MAGI2: variants seen among roughly 807,000 people sequenced by gnomAD.
MAGI2 encodes membrane-associated guanylate kinase, WW and PDZ domain-containing protein 2.
Under a neutral mutation model 133.3 loss-of-function variants are expected in MAGI2, and 35 were observed. The observed-to-expected ratio is 0.26, with a 90% CI of 0.20 to 0.35. The LOEUF (loss-of-function observed/expected upper bound fraction) is 0.35, where lower values mean the gene tolerates loss of function less well. Among genes scored for constraint, MAGI2 ranks in the 10% least tolerant of loss-of-function variants. The pLI is 1.00. For missense variants in MAGI2, 1,636 were observed against 1,863.4 expected (o/e 0.88, Z 2.25); for synonymous variants, 729 against 710.6 (o/e 1.03, Z -0.41).
intron 2 of MAGI2, among the ~76,000 whole-genome samples, chr7:78,760,385 G>C (rs1167757031): frequency 2.2e-4 from 24 of 111,420 alleles, no homozygotes; most frequent in Admixed American, 1.9e-3. Context: ...TTTTTGAGAT[G>C]AAGTTTTGCT....
chr7:78,310,721 G>T (rs1196504364), intron 9 of MAGI2, among the ~76,000 whole-genome samples: 1 of 152,104 alleles, frequency 6.6e-6, no homozygotes, highest in South Asian at 2.1e-4. Context: ...AAATGGAGAT[G>T]ATAAAAGAGA....
intron 3 of MAGI2, among the ~76,000 whole-genome samples, chr7:78,552,126 CAT>C (rs887500863): frequency 2.7e-5 from 4 of 147,734 alleles, no homozygotes; most frequent in Admixed American, 1.3e-4. Context: ...GAAAAACAAA[CAT>C]AAGGTATTTT....
intron 9 of MAGI2, among the ~76,000 whole-genome samples, chr7:78,279,197 T>C (rs1345127506): frequency 2.0e-5 from 3 of 152,184 alleles, no homozygotes; most frequent in Admixed American, 2.0e-4. Flanking sequence ...AGTTCTGGGA[T>C]TGTATTTCCT....
intron 2 of MAGI2, among the ~76,000 whole-genome samples, chr7:78,660,053 A>G (rs1426778976): frequency 1.4e-5 from 2 of 147,518 alleles, no homozygotes; most frequent in African/African-American, 4.9e-5. Flanking sequence ...GTTCTTACTC[A>G]TAGGTGGGAA....
intron 6 of MAGI2, among the ~76,000 whole-genome samples, chr7:78,460,503 TAC>T (rs1175310451): frequency 6.6e-6 from 1 of 151,974 alleles, no homozygotes; most frequent in Non-Finnish European, 1.5e-5. Flanking sequence ...ATAGATGATA[TAC>T]ACACACGGTA....
At chr7:78,213,095 C>G (rs550826210) in intron 10 of MAGI2, among the ~76,000 whole-genome samples, 3 of 152,334 alleles carry the variant, frequency 2.0e-5, no homozygotes, top group Admixed American at 6.5e-5. Flanking sequence ...AAAATCCTTT[C>G]TAGTGCTTTA....
intron 6 of MAGI2, among the ~76,000 whole-genome samples, chr7:78,470,391 A>T (rs919919849): frequency 6.6e-6 from 1 of 152,138 alleles, no homozygotes; most frequent in Non-Finnish European, 1.5e-5. Flanking sequence ...AGTGATAATG[A>T]CAAATTGGTT....
chr7:78,021,833 T>A (rs775332582), intron 21 of MAGI2, among the ~76,000 whole-genome samples: 12 of 152,198 alleles, frequency 7.9e-5, no homozygotes, highest in Non-Finnish European at 1.6e-4. Flanking sequence ...TCTTCCTTTA[T>A]AAGATGGGGA....
intron 2 of MAGI2, among the ~76,000 whole-genome samples, chr7:78,788,890 C>A (rs1228149195): frequency 1.3e-5 from 2 of 152,102 alleles, no homozygotes; most frequent in Non-Finnish European, 2.9e-5. Flanking sequence ...TCCTTCCTCC[C>A]TGGAGACCAT....
chr7:78,662,640 T>C (rs73378298), intron 2 of MAGI2, among the ~76,000 whole-genome samples: 2,386 of 152,244 alleles, frequency 0.016, 66 homozygotes, highest in African/African-American at 0.054. Context: ...TACACCATCA[T>C]TGCACTTCTG....
At chr7:78,112,978 G>A (rs1819503757) in intron 20 of MAGI2, among the ~76,000 whole-genome samples, 1 of 152,200 alleles carries the variant, frequency 6.6e-6, no homozygotes, top group Admixed American at 6.5e-5. Context: ...AGGATGAGGA[G>A]GACTTACCCA....
At chr7:78,974,841 C>T (rs190334277) in intron 2 of MAGI2, among the ~76,000 whole-genome samples, 19 of 151,780 alleles carry the variant, frequency 1.3e-4, no homozygotes, top group South Asian at 6.2e-4. Context: ...AACCAAAACA[C>T]CTATAATCTA....
intron 2 of MAGI2, among the ~76,000 whole-genome samples, chr7:78,977,191 AC>A (rs1368467095): frequency 6.6e-6 from 1 of 151,766 alleles, no homozygotes; most frequent in Non-Finnish European, 1.5e-5. Flanking sequence ...CTCAAGACTT[AC>A]TACAAAGCTG....
chr7:78,940,913 T>C (rs887699682), intron 2 of MAGI2: 1 of 152,162 alleles, frequency 6.6e-6, no homozygotes. Flanking sequence ...AGCTATTCCC[T>C]TTGGTTTTGA....
At chr7:78,705,799 A>G (rs1002751349) in intron 2 of MAGI2, among the ~76,000 whole-genome samples, 1 of 152,156 alleles carries the variant, frequency 6.6e-6, no homozygotes, top group Non-Finnish European at 1.5e-5. Flanking sequence ...ATTTCCAGGC[A>G]ACAAAGAGTG....
intron 2 of MAGI2, among the ~76,000 whole-genome samples, chr7:78,718,457 A>T (rs1375348373): frequency 6.6e-6 from 1 of 152,060 alleles, no homozygotes; most frequent in African/African-American, 2.4e-5. Flanking sequence ...CATTCCTTGG[A>T]TTACCGCCTG....
At chr7:79,414,642 C>CA (rs1417860317) in intron 1 of MAGI2, 1 of 152,042 alleles carries the variant, frequency 6.6e-6, no homozygotes, top group African/African-American at 2.4e-5. Context: ...TAAGTAAGTA[C>CA]AAAAAACTCT....
intron 6 of MAGI2, among the ~76,000 whole-genome samples, chr7:78,465,520 T>C (rs1462660080): frequency 2.0e-5 from 3 of 152,174 alleles, no homozygotes; most frequent in Non-Finnish European, 4.4e-5. Flanking sequence ...CCATATGGCA[T>C]GGATAAGGAT....
intron 6 of MAGI2, among the ~76,000 whole-genome samples, chr7:78,376,775 G>A (rs1315482531): frequency 1.3e-5 from 2 of 152,118 alleles, no homozygotes; most frequent in African/African-American, 2.4e-5. Flanking sequence ...TTGAGATGGT[G>A]ACAAGAAGCG....
Sources: gnomAD v4.1 joint callset for allele counts (sites outside exome capture counted in the v4.1 genomes callset) on GRCh38, gnomAD v4.1.1 for gene constraint, MANE v1.5 for transcripts, NCBI Gene and HGNC (gene_info 2026-07-23, HGNC 2026-07-21) for gene names.